BIVM: variants seen among roughly 807,000 people sequenced by gnomAD.
BIVM encodes the protein basic immunoglobulin-like variable motif-containing protein.
BIVM carries 31 observed loss-of-function variants against 61.4 expected under a neutral mutation model. That is an observed-to-expected ratio of 0.51 (90% CI 0.38 to 0.68). BIVM has a LOEUF of 0.68. Among genes scored for constraint, BIVM ranks in the 30% least tolerant of loss-of-function variants. The pLI is 0.00. For missense variants in BIVM, 526 were observed against 596.0 expected, an observed-to-expected ratio of 0.88 and a Z score of 1.22; for synonymous variants, 189 against 210.7, an observed-to-expected ratio of 0.90 and a Z score of 0.89.
At chr13:102,837,691 T>A (rs1009510612) in intron 9 of BIVM, among the ~76,000 whole-genome samples, 1 of 152,232 alleles carries the variant, frequency 6.6e-6, no homozygotes, top group South Asian at 2.1e-4. Flanking sequence ...AAATGTGGTA[T>A]GTATATTACC....
At position 102,839,643 on chromosome 13, in the gene BIVM, T is replaced by C. The variant is rs1254324989; in HGVS notation, c.1290T>C (p.Phe430=). 1.9e-6 allele frequency: 3 copies of C among 1,614,190 alleles called. No homozygotes were observed. Among genetic ancestry groups the C allele is most frequent in the Middle Eastern group, 1.6e-4 (1 of 6,062 alleles). The part of the protein sequence containing the change: ...LNWQRFGLWN[F]PFGTIRQESQ... The stretch of plus-strand genomic sequence containing the variant: ...GGCAAAGATTTGGCCTTTGGAACTT[T>C]CCATTTGGAACCATTAGACAAGAAT... The change falls in exon 11 of 11, where the codon TTT becomes TTC. Residue 430 remains phenylalanine (F), a synonymous_variant. Coordinates refer to ENST00000257336, the MANE Select transcript of BIVM (RefSeq NM_017693.4).
intron 3 of BIVM, among the ~76,000 whole-genome samples, chr13:102,816,010 A>T (rs1476133098): frequency 3.3e-5 from 5 of 152,338 alleles, no homozygotes; most frequent in African/African-American, 1.2e-4. Flanking sequence ...ATTGTTTTAT[A>T]GAAAGCCTTC....
intron 7 of BIVM, among the ~76,000 whole-genome samples, chr13:102,823,763 CA>C (rs1880459565): frequency 6.6e-6 from 1 of 152,134 alleles, no homozygotes; most frequent in South Asian, 2.1e-4. Context: ...AAGAGGTTTT[CA>C]ATCATTTTTA....
chr13:102,806,736 C>A (rs1198518543), intron 2 of BIVM, among the ~76,000 whole-genome samples: 1 of 151,840 alleles, frequency 6.6e-6, no homozygotes, highest in Non-Finnish European at 1.5e-5. Flanking sequence ...GATGGAGAAA[C>A]CCCATCTCTA....
chr13:102,836,451 C>T (rs965175195), intron 9 of BIVM, among the ~76,000 whole-genome samples: 12 of 152,110 alleles, frequency 7.9e-5, no homozygotes, highest in African/African-American at 2.9e-4. Context: ...TAGCTGAGAC[C>T]ACAGATGTGT....
In BIVM at chr13:102,827,275, CT is replaced by C. The variant is rs34135564; in HGVS notation, c.902-4275del. 5.6e-3 allele frequency among the ~76,000 whole-genome samples: 783 copies of C among 139,288 alleles called. 4 individuals are homozygous for C. The highest frequency in any genetic ancestry group is 0.012 in the African/African-American group (442 of 37,888). 91.4% of individuals were successfully genotyped at this position (139,288 alleles called of 152,430 possible). On this transcript the variant is annotated intron_variant, in intron 7 of 10. Transcript: ENST00000257336. ...GATGTGTAGCATTGGGTCCCAATGA[CT>C]TTTTTTTTTTTTTTAACCTATTTGT...
intron 9 of BIVM, among the ~76,000 whole-genome samples, chr13:102,837,321 C>T (rs1249122782): frequency 3.9e-5 from 6 of 152,226 alleles, no homozygotes; most frequent in Non-Finnish European, 5.9e-5. Context: ...GAAGAATTGA[C>T]ATCATAACAA....
intron 1 of BIVM, among the ~76,000 whole-genome samples, chr13:102,802,652 G>A (rs1447097277): frequency 6.6e-6 from 1 of 150,642 alleles, no homozygotes; most frequent in Non-Finnish European, 1.5e-5. Context: ...CTAAAACTTC[G>A]ACCAAATAAA....
chr13:102,831,757 C>T (rs3825519), intron 8 of BIVM, 60 bp downstream of exon 8: 701,355 of 1,577,490 alleles, frequency 0.44, 161,816 homozygotes, highest in Non-Finnish European at 0.48. Flanking sequence ...TAGATGGGTG[C>T]GGTAGCTCAC....
chr13:102,803,126 C>G (rs974197890), intron 1 of BIVM, among the ~76,000 whole-genome samples: 6 of 147,942 alleles, frequency 4.1e-5, no homozygotes, highest in Non-Finnish European at 8.9e-5. Flanking sequence ...AGGTCAAGAC[C>G]AGCCTAGGCA....
rs541055812 is a variant in BIVM at position 102,807,503 on chromosome 13, C to T, written c.236C>T (p.Ala79Val). 37 of 1,614,156 alleles carry T rather than the reference C, an allele frequency of 2.3e-5. No homozygotes were observed. The highest frequency in any genetic ancestry group is 1.0e-4 in the Admixed American group (6 of 60,010). Residue 79 changes from alanine to valine, a missense_variant, in exon 3 of 11, where the codon GCG becomes GTG. Coordinates refer to ENST00000257336, the MANE Select transcript of BIVM (RefSeq NM_017693.4). This position sits in a 1 kb window ranked among gnomAD's most constrained non-coding sequence, Gnocchi z 4.0. ...TCGGACTATGCCTTTCTCAACCAGGCGACCTCAATCTATAAAACTCCAAAT... is the reference window on the plus strand; with the variant it reads ...TCGGACTATGCCTTTCTCAACCAGGTGACCTCAATCTATAAAACTCCAAAT... ...ICSDYAFLNQ[A>V]TSIYKTPNPS...
chr13:102,803,013 C>G (rs1878843048), intron 1 of BIVM, among the ~76,000 whole-genome samples: 1 of 151,952 alleles, frequency 6.6e-6, no homozygotes, highest in South Asian at 2.1e-4. Context: ...TTCCCTTTGC[C>G]TATGTTTTTG....
intron 7 of BIVM, among the ~76,000 whole-genome samples, chr13:102,827,743 T>C (rs1595357766): frequency 6.6e-6 from 1 of 152,192 alleles, no homozygotes; most frequent in East Asian, 1.9e-4. Flanking sequence ...TCCTTGACCA[T>C]AGGGACTGTT....
At chr13:102,838,059 A>T (rs1791303473) in intron 9 of BIVM, among the ~76,000 whole-genome samples, 1 of 152,240 alleles carries the variant, frequency 6.6e-6, no homozygotes, top group South Asian at 2.1e-4. Flanking sequence ...AGTAAAACTT[A>T]AAAAAGATAT....
rs1035725798 is a variant in BIVM at position 102,807,824 on chromosome 13, A to G, written c.478+79A>G. 8 of 1,415,404 alleles carry G rather than the reference A, an allele frequency of 5.7e-6. No individual in the cohort carries two copies. In the East Asian group the frequency reaches 1.2e-4, roughly 21 times the overall value. The allele number at this position is 1,415,404 out of a possible 1,614,324, so 87.7% of individuals were successfully genotyped here. On this transcript the variant is annotated intron_variant, in intron 3 of 10. Coordinates refer to ENST00000257336, the MANE Select transcript of BIVM (RefSeq NM_017693.4). This position sits in a 1 kb window ranked among gnomAD's most constrained non-coding sequence, Gnocchi z 4.0. ...ATGTCTTGTTTAATCTTGCCATTAC[A>G]CATAGTTTCCTTGTATAATACTAGA...
chr13:102,839,377 G>A (rs1043154694), intron 10 of BIVM, among the ~76,000 whole-genome samples, 195 bp from the exon 11 acceptor site: 19 of 152,106 alleles, frequency 1.2e-4, no homozygotes, highest in African/African-American at 4.1e-4. Context: ...TTTTGGCTCC[G>A]GTGGGCATTG....
chr13:102,834,623 T>C, intron 9 of BIVM, 71 bp downstream of exon 9: 1 of 1,391,942 alleles, frequency 7.2e-7, no homozygotes, highest in South Asian at 1.5e-5. Context: ...CAGATCTTAG[T>C]TGTATATAAT....
Position 102,807,354 on chromosome 13 carries a change from A to G in BIVM, c.87A>G (p.Leu29=), listed in dbSNP as rs1176869014. The change falls in exon 3 of 11, where the codon CTA becomes CTG. Residue 29 remains leucine (L), a synonymous_variant. Coordinates refer to ENST00000257336, the MANE Select transcript of BIVM (RefSeq NM_017693.4). This position sits in a 1 kb window ranked among gnomAD's most constrained non-coding sequence, Gnocchi z 4.0. The part of the protein sequence containing the change: ...KSERKSPEEN[L]QGAVKSFCTS... ...AGAGAAAGTCACCTGAAGAGAATCTACAAGGTGCTGTAAAATCTTTCTGCA... is the reference window on the plus strand; with the variant it reads ...AGAGAAAGTCACCTGAAGAGAATCTGCAAGGTGCTGTAAAATCTTTCTGCA... 3.7e-6 allele frequency: 6 copies of G among 1,614,120 alleles called. No individual in the cohort carries two copies. In the South Asian group the frequency reaches 5.5e-5, roughly 15 times the overall value.
chr13:102,822,238 C>A (rs374411150), intron 7 of BIVM, 79 bp downstream of exon 7: 23 of 1,379,296 alleles, frequency 1.7e-5, no homozygotes, highest in Non-Finnish European at 2.2e-5. Flanking sequence ...GTTTAGAGTT[C>A]GTCTCAAAGA....
Sources: allele counts gnomAD v4.1 joint callset (sites outside exome capture counted in the v4.1 genomes callset), GRCh38; gene constraint gnomAD v4.1.1; non-coding constraint Gnocchi (gnomAD v3.1); transcripts MANE v1.5; gene names NCBI Gene and HGNC (gene_info 2026-07-23, HGNC 2026-07-21).